PIBF1: variants seen among roughly 807,000 people sequenced by gnomAD.
PIBF1 encodes the protein progesterone immunomodulatory binding factor 1, also known as progesterone-induced-blocking factor 1.
PIBF1 carries 90 observed loss-of-function variants against 112.5 expected under a neutral mutation model. The ratio of observed to expected loss-of-function variants is 0.80; its 90% CI spans 0.67 to 0.95. PIBF1 has a LOEUF of 0.95. Ranked by LOEUF, PIBF1 falls within the 40% of genes least tolerant of loss-of-function variation. The probability of loss-of-function intolerance (pLI) is 0.00; values close to 1 mark genes in which losing one functional copy is unlikely to be tolerated. For missense variants in PIBF1, 915 were observed against 852.3 expected (o/e 1.07, Z -0.92); for synonymous variants, 301 against 288.6 (o/e 1.04, Z -0.44).
intron 5 of PIBF1, among the ~76,000 whole-genome samples, chr13:72,807,560 G>A (rs921642222): frequency 4.6e-4 from 54 of 116,278 alleles, no homozygotes; most frequent in African/African-American, 1.7e-3. Context: ...GGGCAACAGA[G>A]CAAGAGTTTG....
At chr13:72,949,796 A>T (rs547377100) in intron 14 of PIBF1, among the ~76,000 whole-genome samples, 30 of 144,112 alleles carry the variant, frequency 2.1e-4, no homozygotes, top group Admixed American at 1.5e-3. Context: ...TTTTATTATT[A>T]TTTTTTTAAC....
intron 5 of PIBF1, among the ~76,000 whole-genome samples, chr13:72,815,038 G>A: frequency 6.6e-6 from 1 of 152,110 alleles, no homozygotes; most frequent in Non-Finnish European, 1.5e-5. Context: ...ACTGCAAATG[G>A]GTTCACAGTT....
intron 17 of PIBF1, among the ~76,000 whole-genome samples, chr13:73,007,758 A>G (rs2044081285): frequency 6.6e-6 from 1 of 151,680 alleles, no homozygotes; most frequent in South Asian, 2.1e-4. Context: ...GCAGTGAGAC[A>G]AGATCGCACT....
intron 17 of PIBF1, among the ~76,000 whole-genome samples, chr13:73,006,905 C>A (rs1481831787): frequency 6.6e-6 from 1 of 151,934 alleles, no homozygotes; most frequent in Non-Finnish European, 1.5e-5. Flanking sequence ...TTTGTTTCTG[C>A]AATGGCTTTG....
intron 5 of PIBF1, among the ~76,000 whole-genome samples, chr13:72,809,600 T>G (rs1394856602): frequency 7.0e-6 from 1 of 141,888 alleles, no homozygotes. Flanking sequence ...TTTTTTTTTT[T>G]TTTTTTTTGG....
chr13:72,856,310 C>T (rs1162264019), intron 10 of PIBF1, among the ~76,000 whole-genome samples: 5 of 152,096 alleles, frequency 3.3e-5, no homozygotes, highest in Non-Finnish European at 5.9e-5. Context: ...ATCTTTCCAA[C>T]GAATTTTTCA....
At chr13:72,792,678 C>T in intron 3 of PIBF1, 131 bp downstream of exon 3, 1 of 558,456 alleles carries the variant, frequency 1.8e-6, no homozygotes, top group Non-Finnish European at 3.2e-6. Flanking sequence ...ATAATTTTTA[C>T]ACCTAGACCA....
At chr13:72,929,521 ATTC>A (rs1370375576) in intron 13 of PIBF1, among the ~76,000 whole-genome samples, 2 of 152,144 alleles carry the variant, frequency 1.3e-5, no homozygotes, top group East Asian at 3.9e-4. Context: ...GGACACAGAA[ATTC>A]TTCTTGAGAT....
At chr13:72,892,024 G>A (rs1017898612) in intron 10 of PIBF1, among the ~76,000 whole-genome samples, 1 of 152,052 alleles carries the variant, frequency 6.6e-6, no homozygotes. Context: ...GCCAGGCCTG[G>A]ATGAAGAGAA....
chr13:72,852,283 C>A (rs1053573744), intron 9 of PIBF1, among the ~76,000 whole-genome samples: 1 of 152,194 alleles, frequency 6.6e-6, no homozygotes, highest in African/African-American at 2.4e-5. Flanking sequence ...CTCCAAGCTT[C>A]CGGACACCAC....
At chr13:72,839,142 C>T (rs1415674091) in intron 9 of PIBF1, among the ~76,000 whole-genome samples, 3 of 152,272 alleles carry the variant, frequency 2.0e-5, no homozygotes, top group East Asian at 3.9e-4. Flanking sequence ...GCCTGTTAGA[C>T]AGAGAGGGTC....
intron 16 of PIBF1, among the ~76,000 whole-genome samples, chr13:72,981,775 T>A (rs973844143): frequency 6.6e-6 from 1 of 152,216 alleles, no homozygotes; most frequent in Non-Finnish European, 1.5e-5. Context: ...ACTAGACTGA[T>A]CCAGAATTAC....
chr13:72,790,421 T>TCACACACACACACACA (rs57599910), intron 2 of PIBF1, among the ~76,000 whole-genome samples: 68 of 135,642 alleles, frequency 5.0e-4, no homozygotes, highest in East Asian at 2.8e-3. Context: ...GAGGAGTCCA[T>TCACACACACACACACA]CACACACACA....
intron 12 of PIBF1, among the ~76,000 whole-genome samples, chr13:72,911,745 A>G (rs2040900854): frequency 6.6e-6 from 1 of 152,212 alleles, no homozygotes; most frequent in South Asian, 2.1e-4. Flanking sequence ...CCAAAATAAG[A>G]AAATATTGAG....
intron 17 of PIBF1, among the ~76,000 whole-genome samples, chr13:73,015,212 G>A (rs942256188): frequency 6.0e-5 from 9 of 150,662 alleles, no homozygotes; most frequent in African/African-American, 2.0e-4. Context: ...GGCTAGTCTC[G>A]AACTCCTGGG....
At chr13:72,946,734 A>G (rs1594248721) in intron 14 of PIBF1, among the ~76,000 whole-genome samples, 1 of 152,220 alleles carries the variant, frequency 6.6e-6, no homozygotes, top group East Asian at 1.9e-4. Flanking sequence ...ATCCAACAGG[A>G]CAGTCAAATC....
At chr13:72,811,108 C>G (rs1946627636) in intron 5 of PIBF1, among the ~76,000 whole-genome samples, 1 of 152,146 alleles carries the variant, frequency 6.6e-6, no homozygotes, top group African/African-American at 2.4e-5. Flanking sequence ...GATCTGCCCA[C>G]CTTGGCTTCC....
chr13:72,943,005 A>C (rs951406881), intron 14 of PIBF1, among the ~76,000 whole-genome samples: 2 of 152,204 alleles, frequency 1.3e-5, no homozygotes, highest in African/African-American at 4.8e-5. Flanking sequence ...TGTCTCAAAA[A>C]AAGAAAAATA....
At chr13:72,953,277 A>G (rs1307693255) in intron 14 of PIBF1, among the ~76,000 whole-genome samples, 2 of 152,194 alleles carry the variant, frequency 1.3e-5, no homozygotes, top group Non-Finnish European at 2.9e-5. Flanking sequence ...CCTCTGATGA[A>G]AAACAACTTC....
Sources: allele counts gnomAD v4.1 joint callset (sites outside exome capture counted in the v4.1 genomes callset), GRCh38; gene constraint gnomAD v4.1.1; transcripts MANE v1.5; gene names NCBI Gene and HGNC (gene_info 2026-07-23, HGNC 2026-07-21).